Variants in CRPPA observed in about 807,000 individuals in gnomAD.
CRPPA encodes the protein CDP-L-ribitol pyrophosphorylase A, also known as D-ribitol-5-phosphate cytidylyltransferase.
Under a neutral mutation model 52.0 loss-of-function variants are expected in CRPPA, and 43 were observed. The ratio of observed to expected loss-of-function variants is 0.83; its 90% CI spans 0.65 to 1.07. The LOEUF is 1.07. CRPPA is among the 50% of genes least tolerant of loss of function. The pLI is 0.00. For missense variants in CRPPA, 629 were observed against 551.7 expected, an observed-to-expected ratio of 1.14 and a Z score of -1.40; for synonymous variants, 250 against 203.5, an observed-to-expected ratio of 1.23 and a Z score of -1.94.
At chr7:16,363,746 A>T (rs1583549840) in intron 3 of CRPPA, among the ~76,000 whole-genome samples, 1 of 152,334 alleles carries the variant, frequency 6.6e-6, no homozygotes, top group East Asian at 1.9e-4. Flanking sequence ...AGCAACAAAG[A>T]TAAATAAATA....
intron 5 of CRPPA, among the ~76,000 whole-genome samples, chr7:16,291,702 A>G (rs1366516206): frequency 6.6e-6 from 1 of 151,844 alleles, no homozygotes; most frequent in Non-Finnish European, 1.5e-5. Flanking sequence ...TTAACAATAT[A>G]TTGCATATTT....
intron 3 of CRPPA, among the ~76,000 whole-genome samples, chr7:16,353,956 T>A (rs1786227808): frequency 6.6e-6 from 1 of 151,878 alleles, no homozygotes; most frequent in South Asian, 2.1e-4. Flanking sequence ...AATACACACA[T>A]CAAAACATCA....
At chr7:16,114,458 G>C (rs144336285) in intron 9 of CRPPA, among the ~76,000 whole-genome samples, 2 of 151,928 alleles carry the variant, frequency 1.3e-5, no homozygotes, top group Non-Finnish European at 2.9e-5. Context: ...TGGCAACTAA[G>C]GGCAAACTGA....
chr7:16,355,605 A>C (rs2128308389), intron 3 of CRPPA, among the ~76,000 whole-genome samples: 1 of 152,310 alleles, frequency 6.6e-6, no homozygotes, highest in East Asian at 1.9e-4. Context: ...CAAACTCCTC[A>C]GTTACAGGTA....
At chr7:16,101,958 T>C (rs963339719) in intron 9 of CRPPA, among the ~76,000 whole-genome samples, 3 of 152,134 alleles carry the variant, frequency 2.0e-5, no homozygotes, top group Non-Finnish European at 4.4e-5. Context: ...AAAAACTACC[T>C]TAAATTTCAT....
In CRPPA at chr7:16,088,945, T is replaced by A. The variant is rs893913338; in HGVS notation, c.*2750A>T. On this transcript the variant is annotated 3_prime_UTR_variant, in exon 10 of 10. Transcript: ENST00000407010. ...CGTCTTATATATCAGACGTGGCTTA[T>A]ATATCAGATGTCTTTGCCAGGGGTC... The A allele has an allele frequency of 4.9e-6, 1 of 205,840 alleles. No homozygotes were observed. Among genetic ancestry groups the A allele is most frequent in the East Asian group, 9.8e-5 (1 of 10,242 alleles). The allele number at this position is 205,840 out of a possible 1,614,324, so 12.8% of individuals were successfully genotyped here.
chr7:16,215,389 A>G (rs1469857759), intron 9 of CRPPA, among the ~76,000 whole-genome samples: 2 of 152,226 alleles, frequency 1.3e-5, no homozygotes, highest in Non-Finnish European at 2.9e-5. Flanking sequence ...TCTATTTCTT[A>G]ATAGATTTTC....
chr7:16,335,098 C>G (rs548022639), intron 3 of CRPPA, among the ~76,000 whole-genome samples: 1 of 126,708 alleles, frequency 7.9e-6, no homozygotes, highest in African/African-American at 3.0e-5. Flanking sequence ...GGCAGGAGAA[C>G]TGCTTGAGTG....
intron 8 of CRPPA, among the ~76,000 whole-genome samples, chr7:16,240,592 C>CAT (rs1419538831): frequency 6.6e-6 from 1 of 151,820 alleles, no homozygotes; most frequent in African/African-American, 2.4e-5. Flanking sequence ...CACACACACA[C>CAT]ACACACACAT....
At chr7:16,306,118 C>G (rs1012239891) in intron 4 of CRPPA, among the ~76,000 whole-genome samples, 4 of 152,188 alleles carry the variant, frequency 2.6e-5, no homozygotes, top group African/African-American at 9.7e-5. Flanking sequence ...TATTCTTGTA[C>G]AGATATTAGT....
intron 9 of CRPPA, among the ~76,000 whole-genome samples, chr7:16,098,194 A>C (rs1280139513): frequency 6.6e-6 from 1 of 152,214 alleles, no homozygotes; most frequent in Non-Finnish European, 1.5e-5. Context: ...CTATGATGTA[A>C]TTCTCCTCTA....
intron 5 of CRPPA, among the ~76,000 whole-genome samples, chr7:16,287,417 A>T (rs537121121): frequency 1.1e-4 from 16 of 152,212 alleles, no homozygotes; most frequent in South Asian, 2.1e-4. Flanking sequence ...TACCAAGAAG[A>T]TATTCAAGAC....
At chr7:16,095,503 C>G (rs879113853) in intron 9 of CRPPA, among the ~76,000 whole-genome samples, 1 of 152,110 alleles carries the variant, frequency 6.6e-6, no homozygotes, top group African/African-American at 2.4e-5. Flanking sequence ...AAACTAATTT[C>G]AGCTATGATA....
chr7:16,184,236 C>T (rs10280355), intron 9 of CRPPA, among the ~76,000 whole-genome samples: 5,271 of 152,156 alleles, frequency 0.035, 301 homozygotes, highest in African/African-American at 0.12. Context: ...CCACCACGCC[C>T]GGCCTGGTAT....
At chr7:16,170,158 T>C (rs1781149144) in intron 9 of CRPPA, among the ~76,000 whole-genome samples, 1 of 152,168 alleles carries the variant, frequency 6.6e-6, no homozygotes, top group Non-Finnish European at 1.5e-5. Flanking sequence ...TTTATAGAAT[T>C]GACTGTCATA....
At chr7:16,212,227 G>T (rs1202766689) in intron 9 of CRPPA, among the ~76,000 whole-genome samples, 1 of 152,150 alleles carries the variant, frequency 6.6e-6, no homozygotes, top group African/African-American at 2.4e-5. Flanking sequence ...GTTTTTGCAG[G>T]TCTGCCAATT....
intron 3 of CRPPA, among the ~76,000 whole-genome samples, chr7:16,337,513 C>T (rs1226771953): frequency 6.6e-6 from 1 of 151,734 alleles, no homozygotes; most frequent in Non-Finnish European, 1.5e-5. Context: ...AGGTAGATCA[C>T]AACCAAAATT....
intron 8 of CRPPA, among the ~76,000 whole-genome samples, chr7:16,227,090 C>T (rs1053755735): frequency 3.3e-5 from 5 of 151,778 alleles, no homozygotes; most frequent in Non-Finnish European, 7.4e-5. Context: ...TTTTCATGGC[C>T]AAAGAGTATT....
intron 9 of CRPPA, among the ~76,000 whole-genome samples, chr7:16,155,151 T>A (rs1225363770): frequency 6.6e-6 from 1 of 152,032 alleles, no homozygotes; most frequent in East Asian, 1.9e-4. Flanking sequence ...TTTGAATACA[T>A]CAGTACTGCC....
Sources: allele counts gnomAD v4.1 joint callset (sites outside exome capture counted in the v4.1 genomes callset), GRCh38; gene constraint gnomAD v4.1.1; transcripts MANE v1.5; gene names NCBI Gene and HGNC (gene_info 2026-07-23, HGNC 2026-07-21).